ERICH3: variants seen among roughly 807,000 people sequenced by gnomAD.
ERICH3 encodes the protein glutamate rich 3, also known as glutamate-rich protein 3.
A neutral mutation model predicts 131.1 loss-of-function variants in ERICH3; 126 were observed. The observed-to-expected ratio is 0.96, with a 90% confidence interval of 0.83 to 1.11. The LOEUF is 1.11. ERICH3 is among the 50% of genes most tolerant of loss of function. The probability of loss-of-function intolerance (pLI) is 0.00; values close to 1 mark genes in which losing one functional copy is unlikely to be tolerated. For synonymous variants in ERICH3, 695 were observed against 644.6 expected, an observed-to-expected ratio of 1.08 and a Z score of -1.18; for missense variants, 2,050 against 1,810.7, an observed-to-expected ratio of 1.13 and a Z score of -2.40.
At position 74,579,979 on chromosome 1, in the gene ERICH3, T is replaced by TAG. The variant is rs1647148322; in HGVS notation, c.2177-3044_2177-3043insCT. On this transcript the variant is annotated intron_variant, in intron 12 of 14. Coordinates refer to ENST00000326665, the MANE Select transcript of ERICH3 (RefSeq NM_001002912.5). ...TATTTTTTTAAATATCAAAATATTC[T>TAG]TATTTTACAATGTCAGCTTTTTAGT... 1.3e-5 allele frequency: 10 copies of TAG among 752,068 alleles called. No homozygotes were observed. The Admixed American group carries it at 3.8e-4, about 28-fold the overall frequency. 46.6% of individuals were successfully genotyped at this position (752,068 alleles called of 1,614,324 possible).
chr1:74,666,400 T>G (rs552612524), intron 1 of ERICH3, among the ~76,000 whole-genome samples: 6 of 152,268 alleles, frequency 3.9e-5, no homozygotes, highest in Admixed American at 6.5e-5. Context: ...AAGCAATGAT[T>G]TTACAATTGT....
At chr1:74,663,497 T>A (rs772293440) in intron 1 of ERICH3, among the ~76,000 whole-genome samples, 3 of 151,880 alleles carry the variant, frequency 2.0e-5, no homozygotes, top group Non-Finnish European at 4.4e-5. Context: ...AGTTAGAAAG[T>A]CAAATACACC....
rs1312983728 is a variant in ERICH3, at chr1:74,631,927, C to G, written c.605G>C (p.Gly202Ala). The change falls in exon 7 of 15, where the codon GGC becomes GCC. Residue 202 changes from glycine to alanine, a missense_variant and splice_region_variant. Physicochemically the swap from Gly to Ala is moderately conservative, Grantham distance 60 (BLOSUM62 0). Coordinates refer to ENST00000326665, the MANE Select transcript of ERICH3 (RefSeq NM_001002912.5). ...LENEALFPIG[G>A]KKAVMKFRNS... The stretch of plus-strand genomic sequence containing the variant: ...CCTGAACTTCATCACTGCCTTCTTG[C>G]CCTGTAATCATATTTCATCGCATAA... 1 of 1,608,856 alleles carries G rather than the reference C, an allele frequency of 6.2e-7. No individual in the cohort carries two copies. Among genetic ancestry groups the G allele is most frequent in the Non-Finnish European group, 8.5e-7 (1 of 1,176,242 alleles).
chr1:74,609,224 G>A (rs902257752), intron 9 of ERICH3, among the ~76,000 whole-genome samples: 8 of 151,980 alleles, frequency 5.3e-5, no homozygotes, highest in African/African-American at 1.7e-4. Context: ...CTTACACTTT[G>A]GAAGTGACCA....
At chr1:74,639,017 C>G (rs1394457307) in intron 5 of ERICH3, among the ~76,000 whole-genome samples, 2 of 151,906 alleles carry the variant, frequency 1.3e-5, no homozygotes, top group Non-Finnish European at 2.9e-5. Context: ...ATGTCACAAC[C>G]AATATGAGAA....
intron 9 of ERICH3, among the ~76,000 whole-genome samples, chr1:74,609,386 A>G (rs1384562510): frequency 6.6e-6 from 1 of 152,070 alleles, no homozygotes; most frequent in East Asian, 1.9e-4. Context: ...ATTAAAATTA[A>G]TTTCATTTTG....
intron 10 of ERICH3, among the ~76,000 whole-genome samples, chr1:74,604,974 C>T (rs527807762): frequency 6.6e-6 from 1 of 152,024 alleles, no homozygotes; most frequent in South Asian, 2.1e-4. Context: ...CTATGAATGT[C>T]CTAGATGGCA....
chr1:74,657,782 A>G (rs1646599381), intron 1 of ERICH3, among the ~76,000 whole-genome samples: 1 of 152,102 alleles, frequency 6.6e-6, no homozygotes. Flanking sequence ...ACTAAGTTTG[A>G]CCAGTTGCAT....
Position 74,573,208 on chromosome 1 carries a change from G to T in ERICH3, c.2502C>A (p.Gly834=), listed in dbSNP as rs757462593. Residue 834 remains glycine, a synonymous_variant, in exon 14 of 15, where the codon GGC becomes GGA. Coordinates refer to ENST00000326665, the MANE Select transcript of ERICH3 (RefSeq NM_001002912.5). ...EFTEKREIPP[G]IERGAEGAAE... is the part of the protein sequence containing the mutation. ...CTGCTCCCTCTGCCCCCCTTTCTAT[G>T]CCTGGAGGGATCTCCCTTTTTTCTG... 6.2e-7 allele frequency: 1 copy of T among 1,612,406 alleles called. No individual in the cohort carries two copies. The highest frequency in any genetic ancestry group is 8.5e-7 in the Non-Finnish European group (1 of 1,179,174).
chr1:74,573,303 C>T lies in ERICH3; in HGVS notation c.2407G>A (p.Ala803Thr). 1 of 1,600,810 alleles carries T rather than the reference C, an allele frequency of 6.2e-7. No homozygotes were observed. Among genetic ancestry groups the T allele is most frequent in the East Asian group, 2.2e-5 (1 of 44,848 alleles). The change falls in exon 14 of 15, where the codon GCT becomes ACT. Residue 803 changes from alanine (A) to threonine (T), a missense_variant. Ala to Thr is a moderately conservative substitution (Grantham distance 58). Transcript: ENST00000326665. ...GCCCTCAAGGGAGCCTCATGAACAG[C>T]TCCTGCTTCTCCCCACAGTGCTGCC... ...GEAALWGEAG[A>T]VHEAPLRAWK...
At chr1:74,573,880 A>G (rs1163148749) in intron 13 of ERICH3, among the ~76,000 whole-genome samples, 1 of 152,148 alleles carries the variant, frequency 6.6e-6, no homozygotes, top group Non-Finnish European at 1.5e-5. Flanking sequence ...TCTCTTTCAC[A>G]TACATACAAG....
chr1:74,579,508 T>C (rs569841305), intron 12 of ERICH3: 5 of 985,222 alleles, frequency 5.1e-6, no homozygotes, highest in African/African-American at 1.7e-5. Context: ...CGGAAGTAGA[T>C]GAGAGCCTGT....
rs1399853398 is a variant in ERICH3, at chr1:74,571,511, G to A, written c.4199C>T (p.Ala1400Val). ...TAATTCCTCTACCACCACCTTCCCT[G>A]CAGCTGCTGTTTTTCCTACTAACTC... The part of the protein sequence containing the change: ...QDELVGKTAA[A>V]GKVVVEELAR... Residue 1400 changes from alanine to valine, a missense_variant, in exon 14 of 15, where the codon GCA becomes GTA. By Grantham distance (64) the Ala-to-Val change is moderately conservative. Coordinates refer to ENST00000326665, the MANE Select transcript of ERICH3 (RefSeq NM_001002912.5). 6.2e-7 allele frequency: 1 copy of A among 1,614,072 alleles called. No individual in the cohort carries two copies. The highest frequency in any genetic ancestry group is 8.5e-7 in the Non-Finnish European group (1 of 1,179,994).
intron 1 of ERICH3, among the ~76,000 whole-genome samples, chr1:74,649,570 G>C (rs1646514848): frequency 6.6e-6 from 1 of 152,070 alleles, no homozygotes; most frequent in South Asian, 2.1e-4. Flanking sequence ...AAAGTGGATG[G>C]GGAAAGTACA....
intron 12 of ERICH3, among the ~76,000 whole-genome samples, chr1:74,577,807 C>T (rs1647095340): frequency 1.3e-5 from 2 of 152,116 alleles, no homozygotes; most frequent in Non-Finnish European, 2.9e-5. Context: ...AGTTTAGTTG[C>T]ATTTTCCCTT....
chr1:74,572,015 C>T lies in ERICH3; in HGVS notation c.3695G>A (p.Gly1232Glu). The T allele has an allele frequency of 6.2e-7, 1 of 1,614,140 alleles. No homozygotes were observed. Among genetic ancestry groups the T allele is most frequent in the Non-Finnish European group, 8.5e-7 (1 of 1,180,030 alleles). ...EPAGKVQAPE[G>E]LIPATGQAEE... ...TGCCTGGCCTGTGGCTGGGATCAGCCCCTCAGGGGCCTGCACCTTTCCTGC... is the reference window on the plus strand; with the variant it reads ...TGCCTGGCCTGTGGCTGGGATCAGCTCCTCAGGGGCCTGCACCTTTCCTGC... Residue 1232 changes from glycine (G) to glutamate (E), a missense_variant, in exon 14 of 15, where the codon GGG (glycine) becomes GAG (glutamate). Gly to Glu is a moderately conservative substitution (Grantham distance 98). Coordinates refer to ENST00000326665, the MANE Select transcript of ERICH3 (RefSeq NM_001002912.5).
At chr1:74,653,584 A>G (rs1481846696) in intron 1 of ERICH3, among the ~76,000 whole-genome samples, 6 of 152,192 alleles carry the variant, frequency 3.9e-5, no homozygotes, top group Non-Finnish European at 7.4e-5. Flanking sequence ...CAGATTACAA[A>G]GCACTCTCAC....
chr1:74,622,761 G>C (rs985240496), intron 7 of ERICH3: 5 of 152,136 alleles, frequency 3.3e-5, no homozygotes, highest in Non-Finnish European at 7.3e-5. Context: ...TGAGAAACTG[G>C]AAGGAGAAAC....
intron 8 of ERICH3, among the ~76,000 whole-genome samples, chr1:74,614,383 A>AT (rs1557684061): frequency 1.9e-4 from 29 of 151,320 alleles, no homozygotes; most frequent in Admixed American, 5.3e-4. Flanking sequence ...AAAAAAAAAA[A>AT]AAAAAACTCG....
Sources: gnomAD v4.1 joint callset for allele counts (sites outside exome capture counted in the v4.1 genomes callset) on GRCh38, gnomAD v4.1.1 for gene constraint, MANE v1.5 for transcripts, NCBI Gene and HGNC (gene_info 2026-07-23, HGNC 2026-07-21) for gene names.